The following MGA variants were observed in gnomAD, a reference collection of about 807,000 sequenced individuals.
MGA encodes the protein MAX gene-associated protein.
A neutral mutation model predicts 261.1 loss-of-function variants in MGA; 40 were observed. The observed-to-expected ratio is 0.15, with a 90% CI of 0.12 to 0.20. The LOEUF is 0.20. MGA is among the 10% of genes least tolerant of loss of function. MGA has a pLI of 1.00. For missense variants in MGA, 3,397 were observed against 3,630.5 expected (o/e 0.94, Z 1.65); for synonymous variants, 1,302 against 1,290.6 (o/e 1.01, Z -0.19).
chr15:41,644,098 G>A (rs1237119215), intron 1 of MGA, among the ~76,000 whole-genome samples: 1 of 151,910 alleles, frequency 6.6e-6, no homozygotes, highest in Non-Finnish European at 1.5e-5. Context: ...AGTTGTCCCA[G>A]TACCATTTTT....
intron 1 of MGA, among the ~76,000 whole-genome samples, chr15:41,642,310 TG>T (rs1039759651): frequency 3.3e-5 from 5 of 150,104 alleles, no homozygotes; most frequent in South Asian, 2.1e-4. Context: ...TAATTTGTGG[TG>T]TTTTTTTTTT....
At chr15:41,727,063 G>C (rs984214175) in intron 9 of MGA, 117 bp from the exon 10 acceptor site, 10 of 703,808 alleles carry the variant, frequency 1.4e-5, no homozygotes, top group African/African-American at 1.8e-5. Flanking sequence ...TCGTCTATTT[G>C]ATTATTTTAA....
intron 1 of MGA, among the ~76,000 whole-genome samples, chr15:41,634,567 T>C (rs1449605646): frequency 1.3e-5 from 2 of 152,220 alleles, no homozygotes; most frequent in African/African-American, 4.8e-5. Flanking sequence ...CCTTTGCTCA[T>C]GTTGTTTCCT....
chr15:41,640,646 G>A lies in MGA; in HGVS notation c.-68+19348G>A, dbSNP rs538989370. 3.2e-3 allele frequency among the ~76,000 whole-genome samples: 490 copies of A among 152,120 alleles called. 3 individuals carry two copies. The highest frequency in any genetic ancestry group is 6.2e-3 in the South Asian group (30 of 4,820). On this transcript the variant is annotated intron_variant, in intron 1 of 8. Coordinates refer to the MGA transcript ENST00000566718. ...CGATTCTCCTGCCTCAGCCTCCCAAGTAGCTGGGATTACAGGCATACGCCA... is the reference window on the plus strand; with the variant it reads ...CGATTCTCCTGCCTCAGCCTCCCAAATAGCTGGGATTACAGGCATACGCCA...
rs34069193 is a variant in MGA, at chr15:41,762,461, G to GTTTTTTTTTTTTTTTTTTTTTTTTTT, written c.7744+104_7744+129dup. On this transcript the variant is annotated intron_variant, in intron 22 of 23. Transcript: ENST00000219905. ...TTGTCCACATTTTTAGTTTTGTGTGGTTTTTTTTTTTTTTTTTTTTTTTTT... is the reference window on the plus strand; with the variant it reads ...TTGTCCACATTTTTAGTTTTGTGTGGTTTTTTTTTTTTTTTTTTTTTTTTTTTTTTTTTTTTTTTTTTTTTTTTTTT... 7.2e-5 allele frequency: 10 copies of GTTTTTTTTTTTTTTTTTTTTTTTTTT among 138,446 alleles called. 1 individual carries two copies. The highest frequency in any genetic ancestry group is 3.6e-4 in the East Asian group (1 of 2,746). The allele number at this position is 138,446 out of a possible 1,614,324, so 8.6% of individuals were successfully genotyped here. A position where few individuals can be genotyped will look rare whatever the true frequency, so the allele number is the denominator to read the frequency against.
intron 1 of MGA, among the ~76,000 whole-genome samples, chr15:41,644,418 G>A (rs2056893152): frequency 6.6e-6 from 1 of 151,580 alleles, no homozygotes; most frequent in Non-Finnish European, 1.5e-5. Flanking sequence ...CACTTAGGGA[G>A]GCCGAGGTTG....
chr15:41,646,594 A>G (rs2056937964), intron 1 of MGA, among the ~76,000 whole-genome samples: 1 of 151,498 alleles, frequency 6.6e-6, no homozygotes, highest in Non-Finnish European at 1.5e-5. Context: ...AAGTTCTGGG[A>G]TTACAGGTGT....
At position 41,725,834 on chromosome 15, in the gene MGA, C is replaced by CAAAA. The variant is rs1204528358; in HGVS notation, c.3431-1327_3431-1324dup. 6.6e-4 allele frequency among the ~76,000 whole-genome samples: 6 copies of CAAAA among 9,032 alleles called. 1 individual carries two copies. Among genetic ancestry groups the CAAAA allele is most frequent in the East Asian group, 0.067 (2 of 30 alleles). 5.9% of individuals were successfully genotyped at this position (9,032 alleles called of 152,430 possible). On this transcript the variant is annotated intron_variant, in intron 9 of 23. Transcript: ENST00000219905. ...TGGGCGACAGAGCGAGACTCCGTCT[C>CAAAA]AAAAAAAAAAAAAAAAAAAAAATAA...
chr15:41,666,798 A>T (rs543995193), intron 1 of MGA, among the ~76,000 whole-genome samples: 21 of 152,310 alleles, frequency 1.4e-4, no homozygotes, highest in Middle Eastern at 3.4e-3. Flanking sequence ...TTTTGCTGTT[A>T]TAAGTGGGAA....
chr15:41,654,555 A>G (rs2057127417), intron 1 of MGA, among the ~76,000 whole-genome samples: 1 of 152,188 alleles, frequency 6.6e-6, no homozygotes, highest in African/African-American at 2.4e-5. Flanking sequence ...ATTGCCCTTC[A>G]TGTAAAGGAA....
Position 41,762,371 on chromosome 15 carries a change from G to C in MGA, c.7744+9G>C. The C allele has an allele frequency of 2.5e-6, 4 of 1,604,794 alleles. No individual in the cohort carries two copies. Among genetic ancestry groups the C allele is most frequent in the Non-Finnish European group, 3.4e-6 (4 of 1,173,616 alleles). ...AAAAGACCAGGCCACAGGTAGGAGGGACATTCTTCGCTTTCCTTAATGTAG... is the reference window on the plus strand; with the variant it reads ...AAAAGACCAGGCCACAGGTAGGAGGCACATTCTTCGCTTTCCTTAATGTAG... On this transcript the variant is annotated intron_variant, in intron 22 of 23. Coordinates refer to ENST00000219905, the MANE Select transcript of MGA (RefSeq NM_001164273.2).
chr15:41,701,182 T>TA (rs2059833471), intron 5 of MGA, among the ~76,000 whole-genome samples: 1 of 152,140 alleles, frequency 6.6e-6, no homozygotes, highest in African/African-American at 2.4e-5. Flanking sequence ...TCTTTTTTTC[T>TA]CCCCTTTTCC....
At chr15:41,634,694 A>C (rs1290412766) in intron 1 of MGA, among the ~76,000 whole-genome samples, 1 of 152,082 alleles carries the variant, frequency 6.6e-6, no homozygotes, top group Non-Finnish European at 1.5e-5. Context: ...TAGAGGGATG[A>C]GTATTGTGAG....
intron 10 of MGA, among the ~76,000 whole-genome samples, chr15:41,728,837 T>G (rs2061372329): frequency 6.6e-6 from 1 of 152,228 alleles, no homozygotes; most frequent in Non-Finnish European, 1.5e-5. Flanking sequence ...TTGCATTTTA[T>G]ATGTTTTTAG....
intron 6 of MGA, 80 bp downstream of exon 6, chr15:41,707,939 T>G (rs1379680305): frequency 2.0e-6 from 3 of 1,508,936 alleles, no homozygotes; most frequent in African/African-American, 1.4e-5. Context: ...AAAAGCTACC[T>G]TTATTGGTGA....
intron 1 of MGA, among the ~76,000 whole-genome samples, chr15:41,666,313 G>T (rs995695873): frequency 6.6e-6 from 1 of 152,252 alleles, no homozygotes; most frequent in Non-Finnish European, 1.5e-5. Flanking sequence ...CAATACTACT[G>T]TTTTCTTTTC....
chr15:41,655,762 T>C (rs952707306), upstream of MGA, among the ~76,000 whole-genome samples: 1 of 152,170 alleles, frequency 6.6e-6, no homozygotes, highest in African/African-American at 2.4e-5. Context: ...GATAAATAAT[T>C]TGGGATAAGA....
chr15:41,765,916 A>G (rs2063774396), intron 23 of MGA, 88 bp from the exon 24 acceptor site: 3 of 1,092,910 alleles, frequency 2.7e-6, no homozygotes, highest in African/African-American at 3.2e-5. Context: ...ACAAATCCCT[A>G]AGATGGTTAT....
At chr15:41,629,598 G>C (rs1472377397) in intron 1 of MGA, among the ~76,000 whole-genome samples, 1 of 152,058 alleles carries the variant, frequency 6.6e-6, no homozygotes, top group South Asian at 2.1e-4. Flanking sequence ...GGGTGTGGTG[G>C]TGTGCCTGTG....
Sources: gnomAD v4.1 joint callset for allele counts (sites outside exome capture counted in the v4.1 genomes callset) on GRCh38, gnomAD v4.1.1 for gene constraint, MANE v1.5 for transcripts, NCBI Gene and HGNC (gene_info 2026-07-23, HGNC 2026-07-21) for gene names.